SAMD8: variants seen among roughly 807,000 people sequenced by gnomAD.
SAMD8 encodes the protein sterile alpha motif domain containing 8.
Under a neutral mutation model 42.0 loss-of-function variants are expected in SAMD8, and 20 were observed. The ratio of observed to expected loss-of-function variants is 0.48; its 90% CI spans 0.34 to 0.69. The LOEUF is 0.69. SAMD8 is among the 30% of genes least tolerant of loss of function. The pLI is 0.01. For synonymous variants in SAMD8, 162 were observed against 173.0 expected, an observed-to-expected ratio of 0.94 and a Z score of 0.50; for missense variants, 328 against 511.6, an observed-to-expected ratio of 0.64 and a Z score of 3.46.
At chr10:75,127,694 G>C (rs1300173846) in intron 1 of SAMD8, among the ~76,000 whole-genome samples, 2 of 152,146 alleles carry the variant, frequency 1.3e-5, no homozygotes, top group African/African-American at 4.8e-5. Flanking sequence ...TGTACATCCT[G>C]TCTGCTTCCT....
Position 75,180,788 on chromosome 10 carries a change from T to A in SAMD8, c.*4096T>A, listed in dbSNP as rs1417342606. On this transcript the variant is annotated 3_prime_UTR_variant, in exon 6 of 6. Coordinates refer to ENST00000542569, the MANE Select transcript of SAMD8 (RefSeq NM_001174156.2). ...GGGAAACAGAGGAACCAGATTGTTT[T>A]ATAGCTGATAAGAAACAGTCTGTTT... 1.3e-5 allele frequency: 2 copies of A among 152,206 alleles called. No homozygotes were observed. The highest frequency in any genetic ancestry group is 4.8e-5 in the African/African-American group (2 of 41,454). 9.4% of individuals were successfully genotyped at this position (152,206 alleles called of 1,614,324 possible).
At chr10:75,117,654 T>C (rs539425096) in intron 1 of SAMD8, among the ~76,000 whole-genome samples, 1 of 152,026 alleles carries the variant, frequency 6.6e-6, no homozygotes, top group South Asian at 2.1e-4. Context: ...GAGGCAGAGG[T>C]TGCAGTGAGC....
intron 1 of SAMD8, among the ~76,000 whole-genome samples, chr10:75,115,303 A>G (rs2134416024): frequency 6.6e-6 from 1 of 152,360 alleles, no homozygotes; most frequent in Admixed American, 6.5e-5. Context: ...AGAGAAAGCC[A>G]TTTGACAACA....
Position 75,100,891 on chromosome 10 carries a change from A to G in SAMD8, c.-16+1163A>G, listed in dbSNP as rs575763513. Among the ~76,000 whole-genome samples, 9 of 152,346 alleles carry G rather than the reference A, an allele frequency of 5.9e-5. No homozygotes were observed. The South Asian group carries it at 1.9e-3, about 32-fold the overall frequency. On this transcript the variant is annotated intron_variant, in intron 1 of 3. Transcript: ENST00000447533. ...CCCATGACGCTGCTCTGTGTGCCCA[A>G]GACATCGGGCAGAGGCACAGGCTTC...
chr10:75,136,859 A>G (rs1839898761), intron 1 of SAMD8, among the ~76,000 whole-genome samples: 1 of 152,254 alleles, frequency 6.6e-6, no homozygotes, highest in Non-Finnish European at 1.5e-5. Context: ...AATCAAATCA[A>G]AATCACAATG....
chr10:75,157,034 AG>A (rs1840427352), intron 2 of SAMD8, among the ~76,000 whole-genome samples: 1 of 151,984 alleles, frequency 6.6e-6, no homozygotes. Flanking sequence ...TACTTCGGGG[AG>A]GGGTTCACCT....
At chr10:75,160,914 A>G (rs1234886804) in intron 2 of SAMD8, among the ~76,000 whole-genome samples, 1 of 152,182 alleles carries the variant, frequency 6.6e-6, no homozygotes, top group Admixed American at 6.6e-5. Context: ...CAAAAAATAC[A>G]AAAATTAGCC....
In SAMD8 at chr10:75,150,508, C is replaced by T. The variant is rs536814182; in HGVS notation, c.-15-6C>T. ...TTTGTTTTGTTTTCCTGTTTTCTCT[C>T]TACAGGCAGCGGAGGAGGAAATGGC... On this transcript the variant is annotated splice_polypyrimidine_tract_variant and splice_region_variant and intron_variant, in intron 1 of 5. Transcript: ENST00000542569. 13 of 1,592,182 alleles carry T rather than the reference C, an allele frequency of 8.2e-6. No homozygotes were observed. The African/African-American group carries it at 9.5e-5, about 12-fold the overall frequency.
intron 1 of SAMD8, among the ~76,000 whole-genome samples, chr10:75,142,336 C>T (rs1470057576): frequency 1.3e-5 from 2 of 151,948 alleles, no homozygotes; most frequent in African/African-American, 4.8e-5. Context: ...ATTATTTTAG[C>T]TGATATTAGT....
intron 1 of SAMD8, 74 bp from the exon 2 acceptor site, chr10:75,150,440 T>C (rs914223044): frequency 1.5e-5 from 23 of 1,512,318 alleles, no homozygotes; most frequent in Non-Finnish European, 1.8e-5. Context: ...GGTGTATTTA[T>C]GTGTGTTTGT....
intron 1 of SAMD8, among the ~76,000 whole-genome samples, chr10:75,120,690 G>T (rs1318186299): frequency 3.3e-5 from 5 of 151,522 alleles, no homozygotes; most frequent in African/African-American, 1.2e-4. Context: ...GCAATGCATT[G>T]AGTAACTAGA....
Position 75,168,678 on chromosome 10 carries a change from A to C in SAMD8, c.792+20A>C, listed in dbSNP as rs1328870544. 2 of 1,499,946 alleles carry C rather than the reference A, an allele frequency of 1.3e-6. No homozygotes were observed. The highest frequency in any genetic ancestry group is 1.4e-5 in the African/African-American group (1 of 72,608). 92.9% of individuals were successfully genotyped at this position (1,499,946 alleles called of 1,614,324 possible). ...GGAAAGGTAGCCTGCTACCTTCTTT[A>C]TCATTCTTGTTTTTGGTGGGTTGAT... On this transcript the variant is annotated intron_variant, in intron 4 of 5. Coordinates refer to ENST00000542569, the MANE Select transcript of SAMD8 (RefSeq NM_001174156.2).
chr10:75,174,738 CTTTT>C, intron 4 of SAMD8, among the ~76,000 whole-genome samples: 1 of 145,948 alleles, frequency 6.9e-6, no homozygotes, highest in South Asian at 2.2e-4. Context: ...CTGCAGTATG[CTTTT>C]TTTTTTTAAG....
At chr10:75,128,368 C>T (rs989526413) in intron 1 of SAMD8, among the ~76,000 whole-genome samples, 1 of 152,114 alleles carries the variant, frequency 6.6e-6, no homozygotes, top group East Asian at 1.9e-4. Flanking sequence ...CCACCGCACC[C>T]GCCCTTCTGT....
At chr10:75,099,906 AGAG>A (rs1343190565) in intron 1 of SAMD8, among the ~76,000 whole-genome samples, 3 of 152,050 alleles carry the variant, frequency 2.0e-5, no homozygotes, top group African/African-American at 7.2e-5. Flanking sequence ...CGAGAATGAG[AGAG>A]GAGTGTCTGG....
intron 1 of SAMD8, chr10:75,102,030 T>C: frequency 8.4e-7 from 1 of 1,188,256 alleles, no homozygotes; most frequent in Non-Finnish European, 1.1e-6. Flanking sequence ...CCCCTGCCAC[T>C]CCCAACTTGT....
At chr10:75,171,154 C>CTTTTTCTTTTTTTTTTTT (rs1840853739) in intron 4 of SAMD8, among the ~76,000 whole-genome samples, 1 of 108,186 alleles carries the variant, frequency 9.2e-6, no homozygotes, top group Non-Finnish European at 1.9e-5. Context: ...TTCTTTCTTT[C>CTTTTTCTTTTTTTTTTTT]TTTTTCTTTT....
chr10:75,168,545 A>G lies in SAMD8; in HGVS notation c.679A>G (p.Ile227Val), dbSNP rs868189344. ...TTTTTGGTTGATCTGTTACAGGTCA[A>G]TACTTCTGCGAAGGCTCTGTAGTCT... ...LVLLLHKHRS[I>V]LLRRLCSLMG... Residue 227 changes from isoleucine (I) to valine (V), a missense_variant, in exon 4 of 6, where the codon ATA becomes GTA. Transcript: ENST00000542569. 10 of 1,613,208 alleles carry G rather than the reference A, an allele frequency of 6.2e-6. No homozygotes were observed. The highest frequency in any genetic ancestry group is 1.6e-4 in the Middle Eastern group (1 of 6,082).
rs1374054218 is a variant in SAMD8 at position 75,178,605 on chromosome 10, T to C, written c.*1913T>C. On this transcript the variant is annotated 3_prime_UTR_variant, in exon 6 of 6. Transcript: ENST00000542569. ...TAAGCCGAGTGCAGTGGTGCAAGGC[T>C]ATAGTCCCAGGTTCTGAGGAGGCTG... The C allele has an allele frequency of 6.6e-6, 1 of 152,242 alleles. No homozygotes were observed. The highest frequency in any genetic ancestry group is 2.4e-5 in the African/African-American group (1 of 41,450). The allele number at this position is 152,242 out of a possible 1,614,324, so 9.4% of individuals were successfully genotyped here.
Sources: allele counts gnomAD v4.1 joint callset (sites outside exome capture counted in the v4.1 genomes callset), GRCh38; gene constraint gnomAD v4.1.1; transcripts MANE v1.5; gene names NCBI Gene and HGNC (gene_info 2026-07-23, HGNC 2026-07-21).